RGS22: variants seen among roughly 807,000 people sequenced by gnomAD.
RGS22 encodes regulator of G-protein signaling 22.
RGS22 carries 148 observed loss-of-function variants against 172.9 expected under a neutral mutation model. The observed-to-expected ratio is 0.86, with a 90% confidence interval of 0.75 to 0.98. The LOEUF (loss-of-function observed/expected upper bound fraction) is 0.98. Among genes scored for constraint, RGS22 ranks in the 50% least tolerant of loss-of-function variants. The pLI, the probability that RGS22 is intolerant of heterozygous loss-of-function variation, is 0.00. For synonymous variants in RGS22, 458 were observed against 480.2 expected (o/e 0.95, Z 0.60); for missense variants, 1,347 against 1,440.8 (o/e 0.93, Z 1.05).
At chr8:100,012,931 G>GT (rs1405479423) in intron 14 of RGS22, among the ~76,000 whole-genome samples, 1 of 150,186 alleles carries the variant, frequency 6.7e-6, no homozygotes, top group African/African-American at 2.5e-5. Flanking sequence ...GAGCATTCTG[G>GT]TTAGTAAAAG....
rs112307199 is a variant in RGS22 at position 100,070,872 on chromosome 8, C to CA, written c.594+496dup. On this transcript the variant is annotated intron_variant, in intron 6 of 27. Transcript: ENST00000360863. Reference sequence around the variant, plus strand: ...CACTTTGGGAGGCAGAGGTGAATACCAAAAAAAAAAGAGAGCAGAGCAAAT... The same window carrying CA: ...CACTTTGGGAGGCAGAGGTGAATACCAAAAAAAAAAAGAGAGCAGAGCAAAT... Among the ~76,000 whole-genome samples the CA allele has an allele frequency of 8.2e-3, 941 of 114,552 alleles. 17 individuals are homozygous for CA. Among genetic ancestry groups the CA allele is most frequent in the African/African-American group, 0.03 (884 of 29,266 alleles). 75.2% of individuals were successfully genotyped at this position (114,552 alleles called of 152,430 possible).
intron 3 of RGS22, chr8:100,093,206 A>T: frequency 2.6e-6 from 1 of 384,570 alleles, no homozygotes; most frequent in Non-Finnish European, 4.7e-6. Context: ...GCTGAACCAG[A>T]GTTTGTACAG....
At chr8:99,976,262 CAATAT>C (rs1433532856) in intron 23 of RGS22, among the ~76,000 whole-genome samples, 8 of 152,050 alleles carry the variant, frequency 5.3e-5, no homozygotes, top group Non-Finnish European at 4.4e-5. Flanking sequence ...CAGACTAATA[CAATAT>C]GATACCATTT....
At chr8:100,014,227 A>G (rs1365591356) in intron 14 of RGS22, among the ~76,000 whole-genome samples, 1 of 152,204 alleles carries the variant, frequency 6.6e-6, no homozygotes, top group Non-Finnish European at 1.5e-5. Flanking sequence ...GTTCCTCCAG[A>G]GCCTGTAACA....
At chr8:100,096,844 C>A (rs1813017153) in intron 2 of RGS22, among the ~76,000 whole-genome samples, 2 of 151,006 alleles carry the variant, frequency 1.3e-5, no homozygotes, top group Non-Finnish European at 3.0e-5. Context: ...GCAAGATATA[C>A]AAAGACACTA....
intron 24 of RGS22, among the ~76,000 whole-genome samples, chr8:99,963,766 G>C (rs917183054): frequency 6.6e-6 from 1 of 152,146 alleles, no homozygotes; most frequent in Admixed American, 6.5e-5. Context: ...CAAATACCAT[G>C]TTGTTTTATA....
At chr8:100,036,915 T>C (rs1237870245) in intron 14 of RGS22, among the ~76,000 whole-genome samples, 1 of 152,152 alleles carries the variant, frequency 6.6e-6, no homozygotes, top group African/African-American at 2.4e-5. Flanking sequence ...AATTTTTACA[T>C]AGTCCAGCTT....
chr8:99,978,121 A>C, intron 22 of RGS22, 46 bp from the exon 23 acceptor site: 1 of 1,136,174 alleles, frequency 8.8e-7, no homozygotes, highest in Non-Finnish European at 1.2e-6. Context: ...CAAAGGTACC[A>C]ATTTAAACTC....
intron 15 of RGS22, among the ~76,000 whole-genome samples, chr8:100,006,694 ATTTAAT>A (rs1815758538): frequency 1.3e-5 from 2 of 152,200 alleles, no homozygotes; most frequent in South Asian, 4.1e-4. Flanking sequence ...AACTTTCTTT[ATTTAAT>A]AGCTAGCTTT....
Position 100,069,174 on chromosome 8 carries a change from A to G in RGS22, c.594+2195T>C, listed in dbSNP as rs1324718342. On this transcript the variant is annotated intron_variant, in intron 6 of 27. Coordinates refer to ENST00000360863, the MANE Select transcript of RGS22 (RefSeq NM_015668.5). ...ATCTATTCCAACACAGAAAGCAAAG[A>G]GGCTTCCTCTTGTATGATAATTTTG... 2.0e-5 allele frequency among the ~76,000 whole-genome samples: 3 copies of G among 152,218 alleles called. No homozygotes were observed. The East Asian group carries it at 5.8e-4, about 29-fold the overall frequency.
In RGS22 at chr8:100,081,352, G is replaced by A. The variant is rs1214881078; in HGVS notation, c.118-997C>T. On this transcript the variant is annotated intron_variant, in intron 3 of 27. Transcript: ENST00000360863. ...GAACTAGAAGTATGTGTATATATGT[G>A]TGCGTGTATGTATATATATATATAT... Among the ~76,000 whole-genome samples, 3 of 118,718 alleles carry A rather than the reference G, an allele frequency of 2.5e-5. No individual in the cohort carries two copies. The Middle Eastern group carries it at 0.012, about 471-fold the overall frequency. 77.9% of individuals were successfully genotyped at this position (118,718 alleles called of 152,430 possible). A position where few individuals can be genotyped will look rare whatever the true frequency, so the allele number is the denominator to read the frequency against.
In RGS22 at chr8:100,073,432, AAAAAAAAAAC is replaced by A. The variant is rs200882013; in HGVS notation, c.340-1212_340-1203del. Among the ~76,000 whole-genome samples, 1,426 of 150,644 alleles carry A rather than the reference AAAAAAAAAAC, an allele frequency of 9.5e-3. 47 individuals carry two copies. The East Asian group carries it at 0.11, about 11-fold the overall frequency. ...TTCTAATCAGCAAAAAACAAAACAAAAAAAAAAAACAAAAAAAACATGTATTTGCCTTCAC... is the reference window on the plus strand; with the variant it reads ...TTCTAATCAGCAAAAAACAAAACAAAAAAAAAAACATGTATTTGCCTTCAC... On this transcript the variant is annotated intron_variant, in intron 4 of 27. Coordinates refer to ENST00000360863, the MANE Select transcript of RGS22 (RefSeq NM_015668.5).
chr8:100,025,423 T>C (rs898290419), intron 14 of RGS22, among the ~76,000 whole-genome samples: 1 of 152,248 alleles, frequency 6.6e-6, no homozygotes, highest in African/African-American at 2.4e-5. Context: ...AAGAGGTACC[T>C]GATTTTCCAC....
At chr8:100,026,096 T>C (rs1818146406) in intron 14 of RGS22, among the ~76,000 whole-genome samples, 1 of 152,220 alleles carries the variant, frequency 6.6e-6, no homozygotes, top group African/African-American at 2.4e-5. Flanking sequence ...GTGCTCCTAA[T>C]TGCTAGTCTA....
At chr8:99,986,849 T>C (rs1813149810) in intron 21 of RGS22, among the ~76,000 whole-genome samples, 1 of 152,188 alleles carries the variant, frequency 6.6e-6, no homozygotes, top group Non-Finnish European at 1.5e-5. Flanking sequence ...AGATCTTGGT[T>C]GTATGGATAC....
chr8:100,066,144 C>A, intron 7 of RGS22, 23 bp downstream of exon 7: 1 of 1,605,240 alleles, frequency 6.2e-7, no homozygotes, highest in South Asian at 1.1e-5. Flanking sequence ...GTTCTGAAGT[C>A]ATTCTTGTCC....
At chr8:99,997,126 C>T (rs1272007028) in intron 19 of RGS22, among the ~76,000 whole-genome samples, 4 of 152,156 alleles carry the variant, frequency 2.6e-5, no homozygotes, top group Non-Finnish European at 5.9e-5. Flanking sequence ...GTTCCTAGGG[C>T]TGTCCTGGCC....
chr8:100,003,798 T>A, intron 17 of RGS22, 128 bp downstream of exon 17: 2 of 715,952 alleles, frequency 2.8e-6, no homozygotes, highest in Non-Finnish European at 4.2e-6. Context: ...CAGATAATCA[T>A]GTTTGTCAGT....
chr8:100,061,292 A>T (rs1353745329), intron 9 of RGS22, among the ~76,000 whole-genome samples: 3 of 152,238 alleles, frequency 2.0e-5, no homozygotes, highest in Non-Finnish European at 4.4e-5. Flanking sequence ...TTGCAACAAA[A>T]GCAAAAATTG....
Sources: gnomAD v4.1 joint callset for allele counts (sites outside exome capture counted in the v4.1 genomes callset) on GRCh38, gnomAD v4.1.1 for gene constraint, MANE v1.5 for transcripts, NCBI Gene and HGNC (gene_info 2026-07-23, HGNC 2026-07-21) for gene names.